BMPR1A: variants seen among roughly 807,000 people sequenced by gnomAD.
The protein encoded by BMPR1A is bone morphogenetic protein receptor type-1A.
Under a neutral mutation model 66.0 loss-of-function variants are expected in BMPR1A, and 7 were observed. The ratio of observed to expected loss-of-function variants is 0.11; its 90% CI spans 0.06 to 0.20. BMPR1A has a LOEUF of 0.20. BMPR1A is among the 10% of genes least tolerant of loss of function. BMPR1A has a pLI of 1.00. For synonymous variants in BMPR1A, 200 were observed against 229.7 expected (o/e 0.87, Z 1.17); for missense variants, 408 against 669.1 (o/e 0.61, Z 4.31).
downstream of BMPR1A, chr10:86,929,604 C>A (rs943944037): frequency 2.6e-5 from 4 of 152,188 alleles, no homozygotes; most frequent in South Asian, 2.1e-4. Flanking sequence ...AGATTCCTCA[C>A]GGGAGTCTCT....
chr10:86,921,580 T>C lies in BMPR1A; in HGVS notation c.1227T>C (p.Ala409=). 6.2e-7 allele frequency: 1 copy of C among 1,614,144 alleles called. No homozygotes were observed. The highest frequency in any genetic ancestry group is 8.5e-7 in the Non-Finnish European group (1 of 1,180,020). The change falls in exon 11 of 13, where the codon GCT becomes GCC. Residue 409 remains alanine (A), a synonymous_variant. Coordinates refer to ENST00000372037, the MANE Select transcript of BMPR1A (RefSeq NM_004329.3). ...NTRVGTKRYM[A]PEVLDESLNK... is the part of the protein sequence containing the mutation. ...GGGTGGGCACCAAACGCTACATGGC[T>C]CCCGAAGTGCTGGACGAAAGCCTGA...
rs907778335 is a variant in BMPR1A at position 86,925,818 on chromosome 10, C to T, written c.*2099C>T. On this transcript the variant is annotated 3_prime_UTR_variant, in exon 13 of 13. Coordinates refer to ENST00000372037, the MANE Select transcript of BMPR1A (RefSeq NM_004329.3). ...TCTCGGCTCACTGCAAGCTCCGCTT[C>T]CCGGGTTCACGCCATTCTCCTGCCT... 1 of 153,684 alleles carries T rather than the reference C, an allele frequency of 6.5e-6. No homozygotes were observed. The highest frequency in any genetic ancestry group is 2.6e-5 in the African/African-American group (1 of 38,356). The allele number at this position is 153,684 out of a possible 1,614,324, so 9.5% of individuals were successfully genotyped here. A position where few individuals can be genotyped will look rare whatever the true frequency, so the allele number is the denominator to read the frequency against.
At chr10:86,838,165 G>A (rs940853758) in intron 1 of BMPR1A, among the ~76,000 whole-genome samples, 5 of 152,166 alleles carry the variant, frequency 3.3e-5, no homozygotes, top group Admixed American at 3.3e-4. Flanking sequence ...GGAGGCGGAA[G>A]TTGCAGTGAT....
intron 1 of BMPR1A, among the ~76,000 whole-genome samples, chr10:86,781,901 C>T (rs1255763237): frequency 8.7e-6 from 1 of 114,702 alleles, no homozygotes; most frequent in Non-Finnish European, 1.6e-5. Context: ...CTCACTCTGT[C>T]ACCCAGGCAG....
At chr10:86,841,359 A>C (rs1476583389) in intron 2 of BMPR1A, among the ~76,000 whole-genome samples, 1 of 152,224 alleles carries the variant, frequency 6.6e-6, no homozygotes, top group African/African-American at 2.4e-5. Flanking sequence ...AACATCACTG[A>C]TATGCCCATA....
intron 1 of BMPR1A, among the ~76,000 whole-genome samples, chr10:86,761,216 G>A (rs1244605496): frequency 1.3e-5 from 2 of 152,188 alleles, no homozygotes; most frequent in Non-Finnish European, 2.9e-5. Flanking sequence ...TAACTAATGA[G>A]TAGACATTGA....
intron 2 of BMPR1A, chr10:86,855,357 C>T: frequency 1.2e-6 from 1 of 846,602 alleles, no homozygotes; most frequent in Non-Finnish European, 1.8e-6. Flanking sequence ...CAGGACACAC[C>T]TGCACTGAAC....
chr10:86,906,409 CTA>C, intron 7 of BMPR1A, among the ~76,000 whole-genome samples: 2 of 105,406 alleles, frequency 1.9e-5, no homozygotes, highest in South Asian at 5.9e-4. Flanking sequence ...AAATTATCTA[CTA>C]TTTTTTTTAA....
intron 7 of BMPR1A, among the ~76,000 whole-genome samples, chr10:86,909,518 G>A (rs866664519): frequency 2.2e-4 from 34 of 151,912 alleles, no homozygotes; most frequent in Admixed American, 7.2e-4. Context: ...CCAGGAAGGC[G>A]GGGGTTGCAG....
chr10:86,793,833 A>G (rs1329376254), intron 1 of BMPR1A, among the ~76,000 whole-genome samples: 2 of 152,188 alleles, frequency 1.3e-5, no homozygotes, highest in Non-Finnish European at 2.9e-5. Context: ...GCAGGTGTCT[A>G]CAGGGCCGTG....
chr10:86,876,587 G>A (rs958100318), intron 3 of BMPR1A, among the ~76,000 whole-genome samples: 12 of 152,118 alleles, frequency 7.9e-5, no homozygotes, highest in African/African-American at 2.2e-4. Flanking sequence ...TTCAAGACCA[G>A]CCTGGGCAAC....
Position 86,910,416 on chromosome 10 carries a change from C to T in BMPR1A, c.531-1824C>T, listed in dbSNP as rs889013343. Among the ~76,000 whole-genome samples the T allele has an allele frequency of 2.0e-5, 3 of 152,020 alleles. 1 individual carries two copies. The South Asian group carries it at 6.2e-4, about 32-fold the overall frequency. On this transcript the variant is annotated intron_variant, in intron 7 of 12. Transcript: ENST00000372037. ...AGCTATACAGTGGAATACTATCTAGCCATTAAAGAAAAAGGTGACACTTTG... is the reference window on the plus strand; with the variant it reads ...AGCTATACAGTGGAATACTATCTAGTCATTAAAGAAAAAGGTGACACTTTG...
At chr10:86,908,499 C>T (rs569507334) in intron 7 of BMPR1A, among the ~76,000 whole-genome samples, 3 of 152,250 alleles carry the variant, frequency 2.0e-5, no homozygotes, top group Non-Finnish European at 4.4e-5. Flanking sequence ...GCCTTCAATG[C>T]CTCACAAGTT....
chr10:86,840,006 A>G (rs1413571003), intron 2 of BMPR1A, among the ~76,000 whole-genome samples: 1 of 152,166 alleles, frequency 6.6e-6, no homozygotes, highest in Admixed American at 6.5e-5. Context: ...ATCTTTGGAA[A>G]TAGAATTTAA....
In BMPR1A at chr10:86,927,328, A is replaced by G. The variant is rs1843759483; in HGVS notation, c.*3609A>G. 5.2e-6 allele frequency: 1 copy of G among 193,092 alleles called. No individual in the cohort carries two copies. The highest frequency in any genetic ancestry group is 2.3e-5 in the African/African-American group (1 of 43,096). 12.0% of individuals were successfully genotyped at this position (193,092 alleles called of 1,614,324 possible). The stretch of plus-strand genomic sequence containing the variant: ...TCTAAATATCTAAAATCATTTCAAC[A>G]GCAGAAATGATTTTTATTTTAACAA... On this transcript the variant is annotated 3_prime_UTR_variant, in exon 13 of 13. Coordinates refer to ENST00000372037, the MANE Select transcript of BMPR1A (RefSeq NM_004329.3).
rs1554888111 is a variant in BMPR1A, at chr10:86,890,126, A to C, written c.132A>C (p.Ser44=). The change falls in exon 4 of 13, where the codon TCA becomes TCC. Residue 44 remains serine (S), a synonymous_variant. Coordinates refer to ENST00000372037, the MANE Select transcript of BMPR1A (RefSeq NM_004329.3). ...GMKSDSDQKK[S]ENGVTLAPED... Reference sequence around the variant, plus strand: ...AATCAGACTCCGACCAGAAAAAGTCAGAAAATGGAGTAACCTTAGCACCAG... The same window carrying C: ...AATCAGACTCCGACCAGAAAAAGTCCGAAAATGGAGTAACCTTAGCACCAG... 1.2e-6 allele frequency: 2 copies of C among 1,614,156 alleles called. No individual in the cohort carries two copies. The highest frequency in any genetic ancestry group is 1.7e-6 in the Non-Finnish European group (2 of 1,180,014).
chr10:86,907,443 A>T (rs1029544854), intron 7 of BMPR1A, among the ~76,000 whole-genome samples: 14 of 152,346 alleles, frequency 9.2e-5, no homozygotes, highest in African/African-American at 2.6e-4. Context: ...AAAAACTAAA[A>T]TCAGAACTAC....
At chr10:86,851,699 A>G (rs924523304) in intron 2 of BMPR1A, among the ~76,000 whole-genome samples, 3 of 152,184 alleles carry the variant, frequency 2.0e-5, no homozygotes, top group African/African-American at 7.2e-5. Context: ...CAACGAAGAC[A>G]CAAAAGCTGT....
At chr10:86,850,080 G>T (rs1589745639) in intron 2 of BMPR1A, among the ~76,000 whole-genome samples, 1 of 152,142 alleles carries the variant, frequency 6.6e-6, no homozygotes, top group African/African-American at 2.4e-5. Context: ...CAGCACTTTG[G>T]AAGGCCGAGG....
Sources: gnomAD v4.1 joint callset for allele counts (sites outside exome capture counted in the v4.1 genomes callset) on GRCh38, gnomAD v4.1.1 for gene constraint, MANE v1.5 for transcripts, NCBI Gene and HGNC (gene_info 2026-07-23, HGNC 2026-07-21) for gene names.